The following MYT1L variants were observed in gnomAD, a reference collection of about 807,000 sequenced individuals.
MYT1L encodes the protein myelin transcription factor 1-like protein.
In MYT1L, 12 loss-of-function variants were observed where a neutral mutation model predicts 126.7. The observed-to-expected ratio is 0.09, with a 90% CI of 0.06 to 0.15. The LOEUF is 0.15. Ranked by LOEUF, MYT1L falls within the 10% of genes least tolerant of loss-of-function variation. MYT1L has a pLI of 1.00. For synonymous variants in MYT1L, 541 were observed against 604.2 expected (o/e 0.90, Z 1.53); for missense variants, 979 against 1,585.2 (o/e 0.62, Z 6.49).
intron 3 of MYT1L, among the ~76,000 whole-genome samples, chr2:2,083,810 G>T (rs1207305490): frequency 6.6e-6 from 1 of 152,066 alleles, no homozygotes; most frequent in Non-Finnish European, 1.5e-5. Flanking sequence ...ACTCATTTTA[G>T]TATAGACTGA....
At position 1,943,395 on chromosome 2, in the gene MYT1L, T is replaced by G. The variant is rs989757969; in HGVS notation, c.153-61A>C. On this transcript the variant is annotated intron_variant, in intron 8 of 24. Transcript: ENST00000647738. This position sits in a 1 kb window ranked among gnomAD's most constrained non-coding sequence, Gnocchi z 4.4. Reference sequence around the variant, plus strand: ...GAAAAAAAATATCTGTGTTACTGTCTTTTAAAATCAGACCAATGGGGGCCT... The same window carrying G: ...GAAAAAAAATATCTGTGTTACTGTCGTTTAAAATCAGACCAATGGGGGCCT... 1.0e-5 allele frequency: 15 copies of G among 1,459,062 alleles called. No homozygotes were observed. Among genetic ancestry groups the G allele is most frequent in the Middle Eastern group, 2.2e-4 (1 of 4,474 alleles). 90.4% of individuals were successfully genotyped at this position (1,459,062 alleles called of 1,614,324 possible).
intron 19 of MYT1L, among the ~76,000 whole-genome samples, chr2:1,850,732 AC>A (rs2043161026): frequency 6.6e-6 from 1 of 151,868 alleles, no homozygotes; most frequent in Non-Finnish European, 1.5e-5. Context: ...ATATCCTACC[AC>A]CCTGGCCGGC....
chr2:1,910,393 T>A lies in MYT1L; in HGVS notation c.1710-46A>T. On this transcript the variant is annotated intron_variant, in intron 12 of 24. Transcript: ENST00000647738. This position sits in a 1 kb window ranked among gnomAD's most constrained non-coding sequence, Gnocchi z 4.8. ...TTGAATGGTCCCGCCTCAAACACCT[T>A]CACAGCACACTAATCCTCCCTTAGC... 6.6e-7 allele frequency: 1 copy of A among 1,517,384 alleles called. No homozygotes were observed. The highest frequency in any genetic ancestry group is 1.4e-5 in the African/African-American group (1 of 73,170). 94.0% of individuals were successfully genotyped at this position (1,517,384 alleles called of 1,614,324 possible). A position where few individuals can be genotyped will look rare whatever the true frequency, so the allele number is the denominator to read the frequency against.
intron 2 of MYT1L, among the ~76,000 whole-genome samples, chr2:2,222,769 T>C (rs1163792655): frequency 6.6e-6 from 1 of 152,110 alleles, no homozygotes; most frequent in African/African-American, 2.4e-5. Context: ...CTACTTGTAT[T>C]TTAAAATAAA....
At position 1,979,614 on chromosome 2, in the gene MYT1L, A is replaced by G. The variant is rs1383919228; in HGVS notation, c.56-60T>C. On this transcript the variant is annotated intron_variant, in intron 6 of 24. Transcript: ENST00000647738. The surrounding 1 kb of genome is among the most constrained non-coding windows in gnomAD (Gnocchi z 4.0). ...TCTATCACAAGCGACCCTCTTCCAC[A>G]GAAAATTACCAAAAGGGTGGCATGA... The G allele has an allele frequency of 1.9e-6, 3 of 1,604,572 alleles. No homozygotes were observed. Among genetic ancestry groups the G allele is most frequent in the Non-Finnish European group, 2.6e-6 (3 of 1,171,548 alleles).
chr2:2,015,688 C>G (rs2064304636), intron 4 of MYT1L, among the ~76,000 whole-genome samples: 1 of 152,136 alleles, frequency 6.6e-6, no homozygotes, highest in South Asian at 2.1e-4. Flanking sequence ...GAAGGAGAAG[C>G]CTGTGAGGCA....
intron 2 of MYT1L, among the ~76,000 whole-genome samples, chr2:2,280,584 G>A (rs2095433514): frequency 6.6e-6 from 1 of 152,130 alleles, no homozygotes; most frequent in African/African-American, 2.4e-5. Context: ...GCTGAGAATG[G>A]GGATGATAAT....
In MYT1L at chr2:2,040,018, G is replaced by A. The variant is rs367577518; in HGVS notation, c.-158+13960C>T. 3.9e-4 allele frequency among the ~76,000 whole-genome samples: 60 copies of A among 152,282 alleles called. No individual in the cohort carries two copies. The South Asian group carries it at 7.5e-3, about 19-fold the overall frequency. On this transcript the variant is annotated intron_variant, in intron 4 of 24. Transcript: ENST00000647738. ...TACAGGTGTATGCGTGAGGGCCTGC[G>A]AAAGGGAAATGAAGCTAGGAATGGA...
Position 2,138,081 on chromosome 2 carries a change from A to G in MYT1L, c.-304+34791T>C, listed in dbSNP as rs374688416. Among the ~76,000 whole-genome samples the G allele has an allele frequency of 4.6e-5, 7 of 152,360 alleles. 1 individual carries two copies. In the East Asian group the frequency reaches 9.6e-4, roughly 21 times the overall value. ...AGACATTTATGCAGCCAAAAAACAC[A>G]TGAAAAAATGCTCACCATCACTGTC... On this transcript the variant is annotated intron_variant, in intron 3 of 24. Coordinates refer to ENST00000647738, the MANE Select transcript of MYT1L (RefSeq NM_001303052.2).
intron 8 of MYT1L, chr2:1,974,680 G>C (rs1468540714): frequency 6.6e-6 from 1 of 152,152 alleles, no homozygotes; most frequent in South Asian, 2.1e-4. Context: ...AAGAGTGTCT[G>C]CGTCTCTAAG....
intron 4 of MYT1L, among the ~76,000 whole-genome samples, chr2:2,044,841 C>T (rs745652399): frequency 1.3e-5 from 2 of 152,188 alleles, no homozygotes; most frequent in Non-Finnish European, 2.9e-5. Flanking sequence ...GCCTCAACCC[C>T]TACCTCTATT....
chr2:2,321,051 G>A (rs1312874086), intron 1 of MYT1L, among the ~76,000 whole-genome samples: 1 of 152,194 alleles, frequency 6.6e-6, no homozygotes, highest in Admixed American at 6.5e-5. Flanking sequence ...AGTAGGCTTG[G>A]AATATATTTT....
At chr2:1,978,529 C>A (rs1251151952) in intron 8 of MYT1L, among the ~76,000 whole-genome samples, 2 of 152,182 alleles carry the variant, frequency 1.3e-5, no homozygotes, top group African/African-American at 4.8e-5. Flanking sequence ...ACATTTTGAG[C>A]AATCATCACC....
At chr2:1,828,776 G>A (rs2039712383) in intron 21 of MYT1L, 1 of 152,142 alleles carries the variant, frequency 6.6e-6, no homozygotes, top group South Asian at 2.1e-4. Flanking sequence ...ATTTATAATG[G>A]ACTAGAGAGG....
chr2:2,249,313 A>G (rs1338714488), intron 2 of MYT1L, among the ~76,000 whole-genome samples: 1 of 152,176 alleles, frequency 6.6e-6, no homozygotes, highest in Non-Finnish European at 1.5e-5. Context: ...AAACCAAACC[A>G]AAGAAGTGAA....
Position 2,217,696 on chromosome 2 carries a change from ACAAC to A in MYT1L, c.-420-44712_-420-44709del, listed in dbSNP as rs1340963805. Among the ~76,000 whole-genome samples the A allele has an allele frequency of 1.9e-3, 191 of 98,826 alleles. 8 individuals carry two copies. Among genetic ancestry groups the A allele is most frequent in the African/African-American group, 7.4e-3 (158 of 21,400 alleles). 64.8% of individuals were successfully genotyped at this position (98,826 alleles called of 152,430 possible). A position where few individuals can be genotyped will look rare whatever the true frequency, so the allele number is the denominator to read the frequency against. On this transcript the variant is annotated intron_variant, in intron 2 of 24. Coordinates refer to ENST00000647738, the MANE Select transcript of MYT1L (RefSeq NM_001303052.2). ...AACAACAACAACAACAACAACAACAACAACAACAACAAAAAAAAAAAAAGAAAGA... is the reference window on the plus strand; with the variant it reads ...AACAACAACAACAACAACAACAACAAAACAACAAAAAAAAAAAAAGAAAGA...
intron 4 of MYT1L, among the ~76,000 whole-genome samples, chr2:2,014,983 G>A (rs1430964260): frequency 6.6e-6 from 1 of 152,188 alleles, no homozygotes; most frequent in Non-Finnish European, 1.5e-5. Flanking sequence ...AGGGCTATTG[G>A]ATTTCTTGGA....
At chr2:2,246,065 T>C (rs1455116378) in intron 2 of MYT1L, among the ~76,000 whole-genome samples, 1 of 152,190 alleles carries the variant, frequency 6.6e-6, no homozygotes, top group African/African-American at 2.4e-5. Context: ...CCACTGTGTT[T>C]GTGGGAATTT....
intron 3 of MYT1L, among the ~76,000 whole-genome samples, chr2:2,082,709 C>A (rs910278693): frequency 2.0e-5 from 3 of 152,140 alleles, no homozygotes; most frequent in Non-Finnish European, 4.4e-5. Flanking sequence ...TAGCTTCTTA[C>A]TGGGGATATA....
Sources: allele counts gnomAD v4.1 joint callset (sites outside exome capture counted in the v4.1 genomes callset), GRCh38; gene constraint gnomAD v4.1.1; non-coding constraint Gnocchi (gnomAD v3.1); transcripts MANE v1.5; gene names NCBI Gene and HGNC (gene_info 2026-07-23, HGNC 2026-07-21).